The following NRXN3 variants were observed in gnomAD, a reference collection of about 807,000 sequenced individuals.
NRXN3 encodes the protein neurexin III.
A neutral mutation model predicts 137.6 loss-of-function variants in NRXN3; 32 were observed. That is an observed-to-expected ratio of 0.23 (90% CI 0.18 to 0.31). The LOEUF (loss-of-function observed/expected upper bound fraction) is 0.31. Ranked by LOEUF, NRXN3 falls within the 10% of genes least tolerant of loss-of-function variation. The pLI, the probability that NRXN3 is intolerant of heterozygous loss-of-function variation, is 1.00. For synonymous variants in NRXN3, 798 were observed against 784.5 expected (o/e 1.02, Z -0.29); for missense variants, 1,574 against 2,062.5 (o/e 0.76, Z 4.59).
At chr14:78,980,054 C>G (rs955742637) in intron 14 of NRXN3, among the ~76,000 whole-genome samples, 2 of 152,156 alleles carry the variant, frequency 1.3e-5, no homozygotes, top group African/African-American at 4.8e-5. Context: ...ACAGGCAAAC[C>G]CTTTGGTTAA....
chr14:78,677,176 A>G lies in NRXN3; in HGVS notation c.1221+25850A>G, dbSNP rs529932342. 1.1e-4 allele frequency among the ~76,000 whole-genome samples: 16 copies of G among 152,282 alleles called. No individual in the cohort carries two copies. In the South Asian group the frequency reaches 3.1e-3, roughly 30 times the overall value. On this transcript the variant is annotated intron_variant, in intron 6 of 20. Transcript: ENST00000335750. The stretch of plus-strand genomic sequence containing the variant: ...TACAGTTTGTAAGGCTATAGCTTCC[A>G]TAGATAGTGATTTCTCTGATGGATC...
In NRXN3 at chr14:78,867,642, G is replaced by A. The variant is rs535159979; in HGVS notation, c.2275+57298G>A. On this transcript the variant is annotated intron_variant, in intron 10 of 20. Transcript: ENST00000335750. ...GTCATAAGACTATTATATCAGAGGC[G>A]TTCTTCCTGTACCTGGAGGAAAAGA... Among the ~76,000 whole-genome samples the A allele has an allele frequency of 3.9e-4, 59 of 152,228 alleles. No homozygotes were observed. In the South Asian group the frequency reaches 9.1e-3, roughly 24 times the overall value.
chr14:79,136,335 C>T (rs1162988854), intron 15 of NRXN3, among the ~76,000 whole-genome samples: 1 of 152,204 alleles, frequency 6.6e-6, no homozygotes. Context: ...CAAGGTCTGT[C>T]AGCCTATGCT....
chr14:78,527,397 A>G (rs2096396290), intron 4 of NRXN3, among the ~76,000 whole-genome samples: 1 of 152,154 alleles, frequency 6.6e-6, no homozygotes, highest in African/African-American at 2.4e-5. Flanking sequence ...TTAAACAACC[A>G]GATCTTGTAA....
At chr14:79,200,270 G>A (rs947019911) in intron 15 of NRXN3, among the ~76,000 whole-genome samples, 7 of 152,172 alleles carry the variant, frequency 4.6e-5, no homozygotes, top group East Asian at 1.9e-4. Context: ...GGATTTGCAC[G>A]TTAGCCTCCT....
At chr14:78,190,826 A>G (rs1183453514) in intron 1 of NRXN3, among the ~76,000 whole-genome samples, 1 of 151,790 alleles carries the variant, frequency 6.6e-6, no homozygotes, top group Non-Finnish European at 1.5e-5. Flanking sequence ...GGTGCCCACC[A>G]CCACACCTGG....
intron 16 of NRXN3, among the ~76,000 whole-genome samples, chr14:79,600,270 C>G (rs2097908718): frequency 6.6e-6 from 1 of 152,076 alleles, no homozygotes; most frequent in South Asian, 2.1e-4. Flanking sequence ...CTTATTCTAG[C>G]TTTTATATAT....
Position 78,322,466 on chromosome 14 carries a change from C to G in NRXN3, c.757+24606C>G, listed in dbSNP as rs187893133. Among the ~76,000 whole-genome samples the G allele has an allele frequency of 1.6e-3, 239 of 152,088 alleles. 1 individual carries two copies. Among genetic ancestry groups the G allele is most frequent in the Non-Finnish European group, 2.7e-3 (186 of 68,032 alleles). On this transcript the variant is annotated intron_variant, in intron 4 of 20. Transcript: ENST00000335750. Reference sequence around the variant, plus strand: ...GTAATGTTGTAGCCTTATTTAATGTCTCTTTGTTTTCTGATTGTCTCTGTC... The same window carrying G: ...GTAATGTTGTAGCCTTATTTAATGTGTCTTTGTTTTCTGATTGTCTCTGTC...
At chr14:78,958,744 A>T (rs572645941) in intron 11 of NRXN3, among the ~76,000 whole-genome samples, 83 of 152,334 alleles carry the variant, frequency 5.4e-4, no homozygotes, top group Admixed American at 1.4e-3. Context: ...ATGGGAAAGA[A>T]GATTTGGGGC....
intron 15 of NRXN3, among the ~76,000 whole-genome samples, chr14:79,267,045 G>A (rs924552132): frequency 6.6e-6 from 1 of 152,118 alleles, no homozygotes; most frequent in South Asian, 2.1e-4. Context: ...GCACAGGAGG[G>A]CACAAAAGAT....
chr14:79,107,556 G>A lies in NRXN3; in HGVS notation c.3262+119415G>A, dbSNP rs574561026. ...GTACTCTGGTTGCTTTATGAAACAC[G>A]GATTGTAAGGGAGGGAGCTAGAGAG... is the stretch of plus-strand genomic sequence containing the variant. On this transcript the variant is annotated intron_variant, in intron 15 of 20. Transcript: ENST00000335750. 3.9e-5 allele frequency among the ~76,000 whole-genome samples: 6 copies of A among 152,234 alleles called. No homozygotes were observed. In the East Asian group the frequency reaches 5.8e-4, roughly 15 times the overall value.
At chr14:78,584,592 G>T (rs1238779840) in intron 4 of NRXN3, among the ~76,000 whole-genome samples, 1 of 152,214 alleles carries the variant, frequency 6.6e-6, no homozygotes, top group Non-Finnish European at 1.5e-5. Flanking sequence ...AAATGGCATG[G>T]TCTCTCATTC....
At chr14:79,352,531 T>C (rs1243471596) in intron 15 of NRXN3, among the ~76,000 whole-genome samples, 1 of 152,140 alleles carries the variant, frequency 6.6e-6, no homozygotes, top group Admixed American at 6.5e-5. Flanking sequence ...AGGCATTATA[T>C]GGATTTGAGA....
At chr14:78,575,418 G>T (rs935254256) in intron 4 of NRXN3, among the ~76,000 whole-genome samples, 2 of 152,084 alleles carry the variant, frequency 1.3e-5, no homozygotes, top group African/African-American at 4.8e-5. Flanking sequence ...TCTATTTGTA[G>T]GTCATTAACA....
At chr14:79,490,347 A>C (rs149151808) in intron 16 of NRXN3, among the ~76,000 whole-genome samples, 1 of 152,330 alleles carries the variant, frequency 6.6e-6, no homozygotes, top group African/African-American at 2.4e-5. Context: ...CAGTATATCA[A>C]AGAGATATCT....
chr14:79,214,344 C>A (rs1055523467), intron 15 of NRXN3, among the ~76,000 whole-genome samples: 5 of 152,148 alleles, frequency 3.3e-5, no homozygotes, highest in Non-Finnish European at 5.9e-5. Flanking sequence ...AGTCAAATTG[C>A]CTTTTTGTTG....
At chr14:79,685,032 C>T (rs761765152) in intron 17 of NRXN3, among the ~76,000 whole-genome samples, 14 of 152,006 alleles carry the variant, frequency 9.2e-5, no homozygotes, top group Admixed American at 2.6e-4. Context: ...ATATGTCAAA[C>T]GGCTGAAGAG....
At chr14:79,240,745 C>T (rs1003416494) in intron 15 of NRXN3, among the ~76,000 whole-genome samples, 10 of 151,906 alleles carry the variant, frequency 6.6e-5, no homozygotes, top group South Asian at 2.1e-4. Flanking sequence ...ATCATCCCAC[C>T]GCAGATAAAA....
rs542985933 is a variant in NRXN3, at chr14:78,773,392, T to A, written c.2045-30228T>A. On this transcript the variant is annotated intron_variant, in intron 8 of 20. Coordinates refer to ENST00000335750, the MANE Select transcript of NRXN3 (RefSeq NM_001330195.2). ...TTCCAAGGGCATAAGAAGGAAAGCA[T>A]GGAGTGTCAGCCAGGCTGCATGGAG... is the stretch of plus-strand genomic sequence containing the variant. 2.6e-5 allele frequency among the ~76,000 whole-genome samples: 4 copies of A among 152,202 alleles called. No homozygotes were observed. In the South Asian group the frequency reaches 8.3e-4, roughly 32 times the overall value.
Sources: allele counts gnomAD v4.1 joint callset (sites outside exome capture counted in the v4.1 genomes callset), GRCh38; gene constraint gnomAD v4.1.1; transcripts MANE v1.5; gene names NCBI Gene and HGNC (gene_info 2026-07-23, HGNC 2026-07-21).